Variants in BMP3 observed in about 807,000 individuals in gnomAD.
BMP3 encodes bone morphogenetic protein 3.
Under a neutral mutation model 38.1 loss-of-function variants are expected in BMP3, and 23 were observed. The ratio of observed to expected loss-of-function variants is 0.60; its 90% CI spans 0.43 to 0.86. The LOEUF is 0.86. Among genes scored for constraint, BMP3 ranks in the 40% least tolerant of loss-of-function variants. The probability of loss-of-function intolerance (pLI) is 0.00; values close to 1 mark genes in which losing one functional copy is unlikely to be tolerated. For synonymous variants in BMP3, 258 were observed against 225.7 expected (o/e 1.14, Z -1.28); for missense variants, 628 against 579.6 (o/e 1.08, Z -0.86).
At position 81,045,911 on chromosome 4, in the gene BMP3, G is replaced by A. The variant is rs952008759; in HGVS notation, c.490G>A (p.Asp164Asn). ...HHAQRKHIQI[D>N]LSAWTLKFSR... ...TGCTCAGAGGAAACACATTCAGATTGATCTTTCTGCATGGACCCTCAAATT... is the reference window on the plus strand; with the variant it reads ...TGCTCAGAGGAAACACATTCAGATTAATCTTTCTGCATGGACCCTCAAATT... The change falls in exon 2 of 3, where the codon GAT becomes AAT. Residue 164 changes from aspartate (D) to asparagine (N), a missense_variant. By Grantham distance (23) the Asp-to-Asn change is conservative. Transcript: ENST00000282701. 2.5e-6 allele frequency: 4 copies of A among 1,613,976 alleles called. No homozygotes were observed. The African/African-American group carries it at 5.3e-5, about 22-fold the overall frequency.
Position 81,031,601 on chromosome 4 carries a change from G to T in BMP3, c.316+1G>T, listed in dbSNP as rs1332277065. Reference sequence around the variant, plus strand: ...CGCAGCTTTCGGGCGGCAGCAGCAGGTGAGTGCGCGAGGTGAGACTCCCTT... The same window carrying T: ...CGCAGCTTTCGGGCGGCAGCAGCAGTTGAGTGCGCGAGGTGAGACTCCCTT... On this transcript the variant is annotated splice_donor_variant, in intron 1 of 2. Transcript: ENST00000282701. LOFTEE classifies it high-confidence loss of function. 3 of 1,585,680 alleles carry T rather than the reference G, an allele frequency of 1.9e-6. No individual in the cohort carries two copies. The highest frequency in any genetic ancestry group is 2.6e-6 in the Non-Finnish European group (3 of 1,167,986).
Position 81,031,442 on chromosome 4 carries a change from A to T in BMP3, c.158A>T (p.Gln53Leu). 6.2e-7 allele frequency: 1 copy of T among 1,613,822 alleles called. No homozygotes were observed. The highest frequency in any genetic ancestry group is 8.5e-7 in the Non-Finnish European group (1 of 1,179,900). The change falls in exon 1 of 3, where the codon CAA (glutamine) becomes CTA (leucine). Residue 53 changes from glutamine to leucine, a missense_variant. Coordinates refer to ENST00000282701, the MANE Select transcript of BMP3 (RefSeq NM_001201.5). ...GGCCCGGACTCCGAGCTGCAGCCGC[A>T]AGACAAGGTCTCTGAACACATGCTG... ...GGGPDSELQP[Q>L]DKVSEHMLRL...
In BMP3 at chr4:81,046,051, A is replaced by G. The variant is rs1740229379; in HGVS notation, c.630A>G (p.Lys210=). 6.2e-7 allele frequency: 1 copy of G among 1,614,078 alleles called. No individual in the cohort carries two copies. ...KDITQLLRKA[K]ENEEFLIGFN... ...TCACTCAACTCTTGAGGAAGGCCAA[A>G]GAAAATGAAGAGTTCCTCATAGGAT... The change falls in exon 2 of 3, where the codon AAA becomes AAG. Residue 210 remains lysine (K), a synonymous_variant. Transcript: ENST00000282701.
At chr4:81,034,350 T>C (rs1739864072) in intron 1 of BMP3, among the ~76,000 whole-genome samples, 1 of 152,182 alleles carries the variant, frequency 6.6e-6, no homozygotes, top group South Asian at 2.1e-4. Flanking sequence ...GTCAGCTTCA[T>C]AAAAATACAC....
intron 1 of BMP3, among the ~76,000 whole-genome samples, chr4:81,043,222 G>A (rs1265043282): frequency 1.3e-5 from 2 of 152,166 alleles, no homozygotes; most frequent in Admixed American, 6.5e-5. Context: ...CTTAGGCTCT[G>A]GTGACTGATC....
Position 81,031,415 on chromosome 4 carries a change from G to A in BMP3, c.131G>A (p.Gly44Asp), listed in dbSNP as rs1739760524. 1.9e-6 allele frequency: 3 copies of A among 1,613,726 alleles called. No individual in the cohort carries two copies. The highest frequency in any genetic ancestry group is 2.5e-6 in the Non-Finnish European group (3 of 1,179,908). ...KAVPGDRTAG[G>D]GPDSELQPQD... Reference sequence around the variant, plus strand: ...GTGCCAGGTGACCGCACGGCAGGTGGTGGCCCGGACTCCGAGCTGCAGCCG... The same window carrying A: ...GTGCCAGGTGACCGCACGGCAGGTGATGGCCCGGACTCCGAGCTGCAGCCG... The change falls in exon 1 of 3, where the codon GGT becomes GAT. Residue 44 changes from glycine to aspartate, a missense_variant. Gly to Asp is a moderately conservative substitution (Grantham distance 94). Transcript: ENST00000282701.
At position 81,046,134 on chromosome 4, in the gene BMP3, C is replaced by G; in HGVS notation, c.713C>G (p.Pro238Arg). 3.7e-6 allele frequency: 6 copies of G among 1,614,134 alleles called. 1 individual carries two copies. The Middle Eastern group carries it at 9.9e-4, about 266-fold the overall frequency. Reference sequence around the variant, plus strand: ...AAGAGGAGGTTACCTTTTCCAGAGCCTTATATCTTGGTATATGCCAATGAT... The same window carrying G: ...AAGAGGAGGTTACCTTTTCCAGAGCGTTATATCTTGGTATATGCCAATGAT... ...LPKRRLPFPE[P>R]YILVYANDAA... Residue 238 changes from proline (P) to arginine (R), a missense_variant, in exon 2 of 3, where the codon CCT becomes CGT. Transcript: ENST00000282701.
chr4:81,053,382 T>C lies in BMP3; in HGVS notation c.1265T>C (p.Ile422Thr), dbSNP rs1201427179. 1.2e-6 allele frequency: 2 copies of C among 1,606,114 alleles called. No individual in the cohort carries two copies. Among genetic ancestry groups the C allele is most frequent in the East Asian group, 2.2e-5 (1 of 44,602 alleles). The change falls in exon 3 of 3, where the codon ATA (isoleucine) becomes ACA (threonine). Residue 422 changes from isoleucine (I) to threonine (T), a missense_variant. Physicochemically the swap from Ile to Thr is moderately conservative, Grantham distance 89 (BLOSUM62 -1). Coordinates refer to ENST00000282701, the MANE Select transcript of BMP3 (RefSeq NM_001201.5). ...KPSNHATIQSIVRAVGVVPGI... is the reference protein window; with the variant it reads ...KPSNHATIQSTVRAVGVVPGI... ...TCAAATCATGCTACCATCCAGAGTA[T>C]AGTGAGAGCTGTGGGGGTCGTTCCT...
Position 81,053,648 on chromosome 4 carries a change from A to G in BMP3, c.*112A>G. 1.6e-6 allele frequency: 1 copy of G among 611,366 alleles called. No individual in the cohort carries two copies. The highest frequency in any genetic ancestry group is 3.5e-5 in the East Asian group (1 of 28,560). 37.9% of individuals were successfully genotyped at this position (611,366 alleles called of 1,614,324 possible). A position where few individuals can be genotyped will look rare whatever the true frequency, so the allele number is the denominator to read the frequency against. ...CACTGCCAATGCATTTTGTTTCAAA[A>G]GATTATTTCTATAGTCAGAGGGGAA... is the stretch of plus-strand genomic sequence containing the variant. On this transcript the variant is annotated 3_prime_UTR_variant, in exon 3 of 3. Coordinates refer to ENST00000282701, the MANE Select transcript of BMP3 (RefSeq NM_001201.5).
intron 1 of BMP3, among the ~76,000 whole-genome samples, chr4:81,040,667 C>T (rs1740048147): frequency 6.6e-6 from 1 of 152,138 alleles, no homozygotes; most frequent in Admixed American, 6.6e-5. Context: ...TTCCAGACCC[C>T]TCAACATCTG....
At chr4:81,039,265 G>A (rs1245248467) in intron 1 of BMP3, among the ~76,000 whole-genome samples, 1 of 152,196 alleles carries the variant, frequency 6.6e-6, no homozygotes, top group East Asian at 1.9e-4. Flanking sequence ...GCAGCGGGAG[G>A]TGGTTGTTCT....
chr4:81,032,087 C>G (rs1739788944), intron 1 of BMP3, among the ~76,000 whole-genome samples: 1 of 149,028 alleles, frequency 6.7e-6, no homozygotes, highest in African/African-American at 2.4e-5. Flanking sequence ...TTCCCCTCTC[C>G]TTTTCTCCTT....
chr4:81,036,610 G>A (rs1173099285), intron 1 of BMP3, among the ~76,000 whole-genome samples: 1 of 151,932 alleles, frequency 6.6e-6, no homozygotes, highest in Non-Finnish European at 1.5e-5. Context: ...CCATGTTTCA[G>A]TTGAGTAAAT....
intron 1 of BMP3, among the ~76,000 whole-genome samples, chr4:81,043,985 C>T (rs754449550): frequency 6.6e-6 from 1 of 152,140 alleles, no homozygotes; most frequent in African/African-American, 2.4e-5. Context: ...ATTTAAGAAA[C>T]ACTTCACAGA....
Position 81,054,314 on chromosome 4 carries a change from G to C in BMP3, c.*778G>C, listed in dbSNP as rs1420153750. On this transcript the variant is annotated 3_prime_UTR_variant, in exon 3 of 3. Coordinates refer to ENST00000282701, the MANE Select transcript of BMP3 (RefSeq NM_001201.5). ...CAGCTATTTAATTGCAAATACAGTT[G>C]TTTTCATTTCATTTCCTACCAGAAA... 1 of 152,482 alleles carries C rather than the reference G, an allele frequency of 6.6e-6. No individual in the cohort carries two copies. Among genetic ancestry groups the C allele is most frequent in the Non-Finnish European group, 1.5e-5 (1 of 68,010 alleles). 9.4% of individuals were successfully genotyped at this position (152,482 alleles called of 1,614,324 possible). A position where few individuals can be genotyped will look rare whatever the true frequency, so the allele number is the denominator to read the frequency against.
intron 1 of BMP3, among the ~76,000 whole-genome samples, chr4:81,043,590 ATTT>A (rs3038534): frequency 7.6e-6 from 1 of 130,750 alleles, no homozygotes; most frequent in African/African-American, 2.9e-5. Context: ...GCATACTACA[ATTT>A]TTTTTTTTTT....
intron 2 of BMP3, 64 bp from the exon 3 acceptor site, chr4:81,053,281 G>T: frequency 2.5e-6 from 3 of 1,216,354 alleles, no homozygotes; most frequent in Middle Eastern, 4.0e-4. Flanking sequence ...TGTGTAATGA[G>T]GACTGAGGAG....
At chr4:81,048,492 A>G (rs1302937985) in intron 2 of BMP3, among the ~76,000 whole-genome samples, 1 of 152,196 alleles carries the variant, frequency 6.6e-6, no homozygotes, top group African/African-American at 2.4e-5. Context: ...ATGATAATGC[A>G]GAGATACTCT....
At chr4:81,053,309 CTAACA>C in intron 2 of BMP3, 31 bp from the exon 3 acceptor site, 1 of 1,453,226 alleles carries the variant, frequency 6.9e-7, no homozygotes, top group South Asian at 1.5e-5. Flanking sequence ...GCAGTTCCAC[CTAACA>C]TATGTGTTCT....
Sources: allele counts gnomAD v4.1 joint callset (sites outside exome capture counted in the v4.1 genomes callset), GRCh38; gene constraint gnomAD v4.1.1; transcripts MANE v1.5; gene names NCBI Gene and HGNC (gene_info 2026-07-23, HGNC 2026-07-21).